Variants in CCDC3 observed in about 807,000 individuals in gnomAD.
CCDC3 encodes coiled-coil domain containing 3.
In CCDC3, 24 loss-of-function variants were observed where a neutral mutation model predicts 21.4. The observed-to-expected ratio is 1.12, with a 90% confidence interval of 0.81 to 1.58. The LOEUF (loss-of-function observed/expected upper bound fraction) is 1.58. Among genes scored for constraint, CCDC3 ranks in the 40% most tolerant of loss-of-function variants. The pLI is 0.00. For missense variants in CCDC3, 425 were observed against 360.9 expected, an observed-to-expected ratio of 1.18 and a Z score of -1.44; for synonymous variants, 186 against 166.0, an observed-to-expected ratio of 1.12 and a Z score of -0.93.
intron 2 of CCDC3, among the ~76,000 whole-genome samples, chr10:12,959,178 T>TTG (rs1284899857): frequency 6.6e-6 from 1 of 151,430 alleles, no homozygotes; most frequent in African/African-American, 2.4e-5. Context: ...TACAATCTTT[T>TTG]TTTTTTTGAG....
intron 2 of CCDC3, among the ~76,000 whole-genome samples, chr10:12,951,245 G>A (rs1007319951): frequency 1.3e-5 from 2 of 152,160 alleles, no homozygotes; most frequent in African/African-American, 2.4e-5. Context: ...ACATGGTGGT[G>A]TGCACCTGTA....
chr10:12,900,682 C>T (rs1413256179), intron 2 of CCDC3, among the ~76,000 whole-genome samples: 1 of 137,946 alleles, frequency 7.2e-6, no homozygotes, highest in Non-Finnish European at 1.6e-5. Context: ...CAAAGAGACA[C>T]TCCATCTCAA....
chr10:13,012,644 TG>T (rs1261699616), intron 5 of CCDC3, among the ~76,000 whole-genome samples: 1 of 151,832 alleles, frequency 6.6e-6, no homozygotes, highest in African/African-American at 2.4e-5. Flanking sequence ...AAAAGAAAAC[TG>T]TTGTAGTCCC....
At chr10:12,925,970 G>A (rs925306907) in intron 2 of CCDC3, among the ~76,000 whole-genome samples, 4 of 152,244 alleles carry the variant, frequency 2.6e-5, no homozygotes, top group African/African-American at 7.2e-5. Context: ...GGGCCACAAA[G>A]GCAGAATTTG....
intron 2 of CCDC3, among the ~76,000 whole-genome samples, chr10:12,995,472 C>T (rs1344964256): frequency 1.3e-5 from 2 of 152,226 alleles, no homozygotes; most frequent in Non-Finnish European, 2.9e-5. Context: ...AAACTCCTGA[C>T]CTCAAGTGAT....
chr10:13,052,505 T>C (rs1461715699), intron 4 of CCDC3, among the ~76,000 whole-genome samples: 2 of 152,220 alleles, frequency 1.3e-5, no homozygotes, highest in Non-Finnish European at 1.5e-5. Context: ...GTATGGACGA[T>C]ATATTAAGTG....
chr10:12,930,521 G>A (rs1834621536), intron 2 of CCDC3, among the ~76,000 whole-genome samples: 1 of 152,110 alleles, frequency 6.6e-6, no homozygotes, highest in African/African-American at 2.4e-5. Flanking sequence ...GGAAACATGG[G>A]GCACAATAGT....
chr10:12,922,336 A>G (rs1040544131), intron 2 of CCDC3, among the ~76,000 whole-genome samples: 1 of 151,892 alleles, frequency 6.6e-6, no homozygotes, highest in Non-Finnish European at 1.5e-5. Flanking sequence ...CCAGTTCCCA[A>G]AAACTCCTCC....
intron 5 of CCDC3, among the ~76,000 whole-genome samples, chr10:13,039,594 TAGTA>T (rs1836423018): frequency 6.6e-6 from 1 of 152,192 alleles, no homozygotes; most frequent in African/African-American, 2.4e-5. Context: ...TGGTCACAAA[TAGTA>T]AGTTAATTAG....
At chr10:12,986,891 A>G (rs1054986162) in intron 2 of CCDC3, among the ~76,000 whole-genome samples, 1 of 152,244 alleles carries the variant, frequency 6.6e-6, no homozygotes, top group Non-Finnish European at 1.5e-5. Context: ...AACTGTTTCA[A>G]TAAAACTTTC....
At chr10:12,919,678 C>T (rs888444142) in intron 2 of CCDC3, among the ~76,000 whole-genome samples, 14 of 151,736 alleles carry the variant, frequency 9.2e-5, no homozygotes, top group African/African-American at 3.1e-4. Context: ...CTCTTGCAGT[C>T]GCCTTGATGC....
intron 2 of CCDC3, among the ~76,000 whole-genome samples, chr10:12,935,895 C>T (rs1834729816): frequency 6.6e-6 from 1 of 152,206 alleles, no homozygotes; most frequent in African/African-American, 2.4e-5. Flanking sequence ...CTTATAATAA[C>T]AAGACGTTCC....
rs148206927 is a variant in CCDC3, at chr10:12,907,872, C to G, written c.550-9193G>C. ...AAAAATCCATTCTAGAGGGGAGATGCTAGATGATGGAAAACCTGGGTAAGT... is the reference window on the plus strand; with the variant it reads ...AAAAATCCATTCTAGAGGGGAGATGGTAGATGATGGAAAACCTGGGTAAGT... On this transcript the variant is annotated intron_variant, in intron 2 of 2. Transcript: ENST00000378825. Among the ~76,000 whole-genome samples the G allele has an allele frequency of 4.1e-3, 617 of 152,188 alleles. 4 individuals are homozygous for G. Among genetic ancestry groups the G allele is most frequent in the South Asian group, 0.024 (117 of 4,824 alleles).
In CCDC3 at chr10:13,044,031, CT is replaced by C. The variant is rs1836494165; in HGVS notation, c.-2+5642del. Among the ~76,000 whole-genome samples, 20 of 151,826 alleles carry C rather than the reference CT, an allele frequency of 1.3e-4. No individual in the cohort carries two copies. The South Asian group carries it at 4.2e-3, about 32-fold the overall frequency. On this transcript the variant is annotated intron_variant, in intron 5 of 6. Coordinates refer to the CCDC3 transcript ENST00000378839. ...TCACTAGCATCTGTTGTTTTTTTGA[CT>C]TTTTAATAATAGCCATTCTGACTGG... is the stretch of plus-strand genomic sequence containing the variant.
intron 4 of CCDC3, among the ~76,000 whole-genome samples, chr10:13,053,866 G>A (rs536775023): frequency 1.1e-4 from 17 of 152,168 alleles, no homozygotes; most frequent in Non-Finnish European, 1.8e-4. Flanking sequence ...AGCCATGCAC[G>A]TTAAGAATGA....
chr10:12,928,824 C>T (rs2119099), intron 2 of CCDC3, among the ~76,000 whole-genome samples: 19,025 of 152,150 alleles, frequency 0.13, 1,506 homozygotes, highest in Middle Eastern at 0.17. Context: ...TCTCCAAAGA[C>T]GCTCAGGTCT....
intron 4 of CCDC3, among the ~76,000 whole-genome samples, chr10:13,065,562 C>T (rs919783815): frequency 6.6e-6 from 1 of 152,142 alleles, no homozygotes; most frequent in Non-Finnish European, 1.5e-5. Context: ...ATATTAAGAA[C>T]GTTCTTGCTT....
intron 2 of CCDC3, among the ~76,000 whole-genome samples, chr10:12,936,150 G>T (rs1476685750): frequency 6.6e-6 from 1 of 152,054 alleles, no homozygotes; most frequent in Non-Finnish European, 1.5e-5. Context: ...TTGCAATGCA[G>T]GTTTACGGTC....
At chr10:12,912,075 G>A (rs991006807) in intron 2 of CCDC3, among the ~76,000 whole-genome samples, 32 of 152,052 alleles carry the variant, frequency 2.1e-4, no homozygotes, top group Non-Finnish European at 3.2e-4. Flanking sequence ...TCCCTATCTC[G>A]ACTATTGTAA....
Sources: allele counts gnomAD v4.1 joint callset (sites outside exome capture counted in the v4.1 genomes callset), GRCh38; gene constraint gnomAD v4.1.1; transcripts MANE v1.5; gene names NCBI Gene and HGNC (gene_info 2026-07-23, HGNC 2026-07-21).